MACROD2: variants seen among roughly 807,000 people sequenced by gnomAD.
MACROD2 encodes the protein ADP-ribose glycohydrolase MACROD2.
MACROD2 carries 36 observed loss-of-function variants against 70.4 expected under a neutral mutation model. The observed-to-expected ratio is 0.51, with a 90% CI of 0.39 to 0.68. The LOEUF (loss-of-function observed/expected upper bound fraction) is 0.68. Among genes scored for constraint, MACROD2 ranks in the 30% least tolerant of loss-of-function variants. The pLI is 0.00. For missense variants in MACROD2, 496 were observed against 538.4 expected, an observed-to-expected ratio of 0.92 and a Z score of 0.78; for synonymous variants, 172 against 178.8, an observed-to-expected ratio of 0.96 and a Z score of 0.30.
intron 8 of MACROD2, among the ~76,000 whole-genome samples, chr20:15,846,276 C>T (rs1016448328): frequency 6.6e-6 from 1 of 152,232 alleles, no homozygotes; most frequent in African/African-American, 2.4e-5. Flanking sequence ...TTCGAGGATA[C>T]TTCATGGTAA....
intron 15 of MACROD2, among the ~76,000 whole-genome samples, chr20:16,008,833 G>A (rs1265762528): frequency 1.3e-5 from 2 of 152,214 alleles, no homozygotes; most frequent in Non-Finnish European, 2.9e-5. Context: ...AACACTGGAT[G>A]AAACGTTACC....
intron 2 of MACROD2, among the ~76,000 whole-genome samples, chr20:14,073,169 C>G (rs999992064): frequency 6.6e-6 from 1 of 151,932 alleles, no homozygotes; most frequent in Non-Finnish European, 1.5e-5. Flanking sequence ...AACCCCATCT[C>G]TACTAAAAAT....
In MACROD2 at chr20:14,784,667, G is replaced by GT. The variant is rs1491310867; in HGVS notation, c.418+99709dup. Among the ~76,000 whole-genome samples, 155 of 52,234 alleles carry GT rather than the reference G, an allele frequency of 3.0e-3. 5 individuals carry two copies. Among genetic ancestry groups the GT allele is most frequent in the Non-Finnish European group, 4.2e-3 (124 of 29,304 alleles). The allele number at this position is 52,234 out of a possible 152,430, so 34.3% of individuals were successfully genotyped here. A position where few individuals can be genotyped will look rare whatever the true frequency, so the allele number is the denominator to read the frequency against. ...AGGTCAGAAAAGGATGGTGTTTTAA[G>GT]TGGGGGGGGGGGGGCACCAGATTCA... On this transcript the variant is annotated intron_variant, in intron 5 of 17. Transcript: ENST00000684519.
intron 8 of MACROD2, among the ~76,000 whole-genome samples, chr20:15,569,143 A>G (rs1266703379): frequency 6.6e-6 from 1 of 152,166 alleles, no homozygotes; most frequent in African/African-American, 2.4e-5. Context: ...TCTATCCCTC[A>G]GTTTCACATT....
intron 8 of MACROD2, among the ~76,000 whole-genome samples, chr20:15,555,673 T>C (rs1430618756): frequency 6.6e-6 from 1 of 151,336 alleles, no homozygotes; most frequent in African/African-American, 2.4e-5. Context: ...AAACCCCATC[T>C]CTACTAAAAT....
At chr20:15,354,530 A>G (rs2078264722) in intron 6 of MACROD2, among the ~76,000 whole-genome samples, 1 of 152,176 alleles carries the variant, frequency 6.6e-6, no homozygotes, top group African/African-American at 2.4e-5. Context: ...AGTATTGGAG[A>G]TTGTAATATG....
chr20:15,186,400 CTTTTTT>C (rs1213401177), intron 5 of MACROD2, among the ~76,000 whole-genome samples: 1 of 152,094 alleles, frequency 6.6e-6, no homozygotes, highest in African/African-American at 2.4e-5. Flanking sequence ...CTGAAGTCTA[CTTTTTT>C]CTTTTATGGA....
At chr20:15,984,622 A>C (rs997072222) in intron 13 of MACROD2, among the ~76,000 whole-genome samples, 27 of 135,438 alleles carry the variant, frequency 2.0e-4, no homozygotes, top group Admixed American at 1.5e-3. Context: ...TTTTTACATA[A>C]ATTTTGCCTC....
chr20:14,752,038 T>C (rs2123737833), intron 5 of MACROD2, among the ~76,000 whole-genome samples: 1 of 151,878 alleles, frequency 6.6e-6, no homozygotes, highest in East Asian at 1.9e-4. Context: ...TTAGTTTCCT[T>C]TGCTGGTCCA....
At position 15,432,760 on chromosome 20, in the gene MACROD2, A is replaced by T. The variant is rs529794986; in HGVS notation, c.571+1325A>T. Among the ~76,000 whole-genome samples the T allele has an allele frequency of 5.9e-5, 9 of 152,164 alleles. No individual in the cohort carries two copies. In the East Asian group the frequency reaches 1.2e-3, roughly 20 times the overall value. On this transcript the variant is annotated intron_variant, in intron 7 of 17. Coordinates refer to ENST00000684519, the MANE Select transcript of MACROD2 (RefSeq NM_001351661.2). ...TAATGCCTACACCAATACTGTATAC[A>T]TCATTTTCTATGTTTATTACCTTGT...
chr20:15,048,214 T>G (rs1424460483), intron 5 of MACROD2, among the ~76,000 whole-genome samples: 1 of 152,102 alleles, frequency 6.6e-6, no homozygotes, highest in East Asian at 1.9e-4. Flanking sequence ...AGGCAGACGT[T>G]GTAGTGAGCC....
intron 8 of MACROD2, among the ~76,000 whole-genome samples, chr20:15,841,250 G>A (rs6034302): frequency 0.82 from 124,111 of 152,204 alleles, 51,077 homozygotes; most frequent in African/African-American, 0.93. Flanking sequence ...AAATACAAGC[G>A]TATTTTATTA....
intron 10 of MACROD2, among the ~76,000 whole-genome samples, chr20:15,921,458 TCCTGGACGTGCTCTTCACTCCA>T (rs548548268): frequency 1.8e-3 from 276 of 152,322 alleles, no homozygotes; most frequent in African/African-American, 6.0e-3. Context: ...ACATAAGAGT[TCCTGGACGTGCTCTTCACTCCA>T]CCTGGAGCGA....
intron 7 of MACROD2, among the ~76,000 whole-genome samples, chr20:15,482,168 T>A (rs539937761): frequency 1.3e-5 from 2 of 152,324 alleles, no homozygotes; most frequent in East Asian, 3.9e-4. Context: ...TAAACCTGGC[T>A]GAAGTAAAAG....
At chr20:14,014,202 G>A (rs954242979) in intron 2 of MACROD2, among the ~76,000 whole-genome samples, 1 of 152,026 alleles carries the variant, frequency 6.6e-6, no homozygotes, top group Non-Finnish European at 1.5e-5. Context: ...AGCCAGAGAC[G>A]ACAACTTTTC....
At chr20:15,740,856 T>C (rs781401073) in intron 8 of MACROD2, among the ~76,000 whole-genome samples, 2 of 152,060 alleles carry the variant, frequency 1.3e-5, no homozygotes, top group Non-Finnish European at 2.9e-5. Context: ...CTTCAAATTG[T>C]ATTCATAATG....
intron 5 of MACROD2, among the ~76,000 whole-genome samples, chr20:15,028,458 A>T (rs1276536525): frequency 6.6e-6 from 1 of 152,198 alleles, no homozygotes; most frequent in Non-Finnish European, 1.5e-5. Flanking sequence ...ACAAGCAACT[A>T]ATAAGTGTTA....
At chr20:14,822,039 C>T (rs2072851402) in intron 5 of MACROD2, among the ~76,000 whole-genome samples, 1 of 152,028 alleles carries the variant, frequency 6.6e-6, no homozygotes, top group Non-Finnish European at 1.5e-5. Context: ...TTTGACATCT[C>T]ATAGTTTTGA....
At chr20:14,092,172 G>T (rs1479061066) in intron 3 of MACROD2, among the ~76,000 whole-genome samples, 2 of 151,908 alleles carry the variant, frequency 1.3e-5, no homozygotes, top group Non-Finnish European at 2.9e-5. Flanking sequence ...CATGTTTTTT[G>T]ATATTTATTT....
Sources: allele counts gnomAD v4.1 joint callset (sites outside exome capture counted in the v4.1 genomes callset), GRCh38; gene constraint gnomAD v4.1.1; transcripts MANE v1.5; gene names NCBI Gene and HGNC (gene_info 2026-07-23, HGNC 2026-07-21).